The following KCNU1 variants were observed in gnomAD, a reference collection of about 807,000 sequenced individuals.
KCNU1 encodes the protein potassium channel subfamily U member 1.
A neutral mutation model predicts 126.8 loss-of-function variants in KCNU1; 93 were observed. The observed-to-expected ratio is 0.73, with a 90% confidence interval of 0.62 to 0.87. KCNU1 has a LOEUF of 0.87. Ranked by LOEUF, KCNU1 falls within the 40% of genes least tolerant of loss-of-function variation. The probability of loss-of-function intolerance (pLI) is 0.00; values close to 1 mark genes in which losing one functional copy is unlikely to be tolerated. For synonymous variants in KCNU1, 523 were observed against 494.2 expected (o/e 1.06, Z -0.77); for missense variants, 1,330 against 1,367.1 (o/e 0.97, Z 0.43).
chr8:36,929,212 T>C (rs1808623078), intron 24 of KCNU1, among the ~76,000 whole-genome samples: 1 of 151,540 alleles, frequency 6.6e-6, no homozygotes, highest in African/African-American at 2.4e-5. Context: ...CAAAACCATG[T>C]TTCTACTAAA....
chr8:36,810,522 A>G (rs1175557232), intron 7 of KCNU1, among the ~76,000 whole-genome samples: 3 of 152,226 alleles, frequency 2.0e-5, no homozygotes, highest in Non-Finnish European at 4.4e-5. Flanking sequence ...TAGAATATTA[A>G]AAACCTAGAA....
At chr8:36,810,986 G>A (rs1378805274) in intron 7 of KCNU1, among the ~76,000 whole-genome samples, 2 of 152,238 alleles carry the variant, frequency 1.3e-5, no homozygotes, top group Middle Eastern at 6.8e-3. Flanking sequence ...TGGGCCAAAA[G>A]ATATCAGAGA....
Position 36,867,601 on chromosome 8 carries a change from G to A in KCNU1, c.2009+3080G>A, listed in dbSNP as rs185937816. On this transcript the variant is annotated intron_variant, in intron 19 of 26. Coordinates refer to ENST00000399881, the MANE Select transcript of KCNU1 (RefSeq NM_001031836.3). ...ATGCTCCAATCATGTTTGTGCTTTT[G>A]TTTATTCTCTCACACGTCTTCTCTG... 4.6e-5 allele frequency among the ~76,000 whole-genome samples: 7 copies of A among 152,210 alleles called. No individual in the cohort carries two copies. In the East Asian group the frequency reaches 1.2e-3, roughly 25 times the overall value.
chr8:36,870,479 C>T (rs1386398684), intron 19 of KCNU1, among the ~76,000 whole-genome samples: 1 of 152,176 alleles, frequency 6.6e-6, no homozygotes, highest in African/African-American at 2.4e-5. Flanking sequence ...GTGTTCCAAA[C>T]TATTCAGGCA....
chr8:36,819,653 A>G (rs1214160635), intron 10 of KCNU1, among the ~76,000 whole-genome samples: 1 of 151,892 alleles, frequency 6.6e-6, no homozygotes, highest in African/African-American at 2.4e-5. Context: ...ATTTATTCCC[A>G]TCCTTCCCAC....
At chr8:36,846,661 G>C (rs779547247) in intron 18 of KCNU1, among the ~76,000 whole-genome samples, 13 of 152,014 alleles carry the variant, frequency 8.6e-5, no homozygotes, top group Non-Finnish European at 1.9e-4. Context: ...AATTAGCTGG[G>C]CGTGGCAGCG....
At chr8:36,824,359 A>C (rs955525090) in intron 10 of KCNU1, among the ~76,000 whole-genome samples, 1 of 152,244 alleles carries the variant, frequency 6.6e-6, no homozygotes, top group African/African-American at 2.4e-5. Context: ...GAGACTGCTT[A>C]CACGTACATT....
chr8:36,837,758 C>G (rs970346957), intron 14 of KCNU1, among the ~76,000 whole-genome samples: 3 of 152,176 alleles, frequency 2.0e-5, no homozygotes, highest in African/African-American at 7.2e-5. Context: ...ATGAAATGCT[C>G]CAGGCAAGGT....
intron 18 of KCNU1, among the ~76,000 whole-genome samples, chr8:36,851,349 A>T (rs1206927566): frequency 6.7e-6 from 1 of 149,172 alleles, no homozygotes; most frequent in Non-Finnish European, 1.5e-5. Context: ...ACAAGTTCTG[A>T]TGGTTTAAAG....
intron 20 of KCNU1, among the ~76,000 whole-genome samples, chr8:36,908,202 C>A (rs538280513): frequency 2.8e-4 from 43 of 152,116 alleles, no homozygotes; most frequent in Non-Finnish European, 5.7e-4. Flanking sequence ...ACAGGAATAT[C>A]ATTCTTTAAA....
chr8:36,890,539 T>C (rs1473171590), intron 19 of KCNU1, among the ~76,000 whole-genome samples: 1 of 151,852 alleles, frequency 6.6e-6, no homozygotes, highest in Non-Finnish European at 1.5e-5. Context: ...CAAAAAGAGA[T>C]AAAATGAAAT....
intron 2 of KCNU1, among the ~76,000 whole-genome samples, chr8:36,788,175 G>A (rs1169331543): frequency 6.6e-6 from 1 of 151,912 alleles, no homozygotes; most frequent in South Asian, 2.1e-4. Context: ...TAATTTGAAT[G>A]TATTAAATCT....
At chr8:36,787,931 C>T (rs1802772854) in intron 2 of KCNU1, among the ~76,000 whole-genome samples, 1 of 149,102 alleles carries the variant, frequency 6.7e-6, no homozygotes, top group Admixed American at 6.7e-5. Context: ...TCAGTCTTTC[C>T]ACTAGGAAGA....
At position 36,808,736 on chromosome 8, in the gene KCNU1, C is replaced by T. The variant is rs577775228; in HGVS notation, c.675C>T (p.Ser225=). Residue 225 remains serine, a synonymous_variant, in exon 7 of 27, where the codon TCC becomes TCT. Coordinates refer to ENST00000399881, the MANE Select transcript of KCNU1 (RefSeq NM_001031836.3). ...CCTCTAGTAACTCAGTGAAGTTTTC[C>T]AAACTGCTGTCAATAATTCTCAGTA... ...AIKTSNSVKF[S]KLLSIILSTW... is the part of the protein sequence containing the mutation. 4.3e-6 allele frequency: 7 copies of T among 1,610,774 alleles called. No individual in the cohort carries two copies. In the Middle Eastern group the frequency reaches 5.0e-4, roughly 114 times the overall value.
chr8:36,875,750 C>T (rs1334960511), intron 19 of KCNU1, among the ~76,000 whole-genome samples: 1 of 152,058 alleles, frequency 6.6e-6, no homozygotes, highest in Non-Finnish European at 1.5e-5. Flanking sequence ...TATTTTCGTG[C>T]AGATTAGCTA....
chr8:36,821,083 A>C (rs1236001968), intron 10 of KCNU1, among the ~76,000 whole-genome samples: 1 of 152,204 alleles, frequency 6.6e-6, no homozygotes. Context: ...AAAGAGTTGA[A>C]AATGAAAAAA....
At chr8:36,928,669 T>C (rs1434279935) in intron 24 of KCNU1, among the ~76,000 whole-genome samples, 1 of 152,200 alleles carries the variant, frequency 6.6e-6, no homozygotes, top group Non-Finnish European at 1.5e-5. Flanking sequence ...CCAGCAATAT[T>C]TATTTGTTAA....
chr8:36,862,901 CAGTT>C (rs1805780639), intron 18 of KCNU1, among the ~76,000 whole-genome samples: 1 of 152,180 alleles, frequency 6.6e-6, no homozygotes, highest in South Asian at 2.1e-4. Context: ...TAGAGACTGA[CAGTT>C]GGTAACACAG....
chr8:36,908,199 T>C (rs967536753), intron 20 of KCNU1, among the ~76,000 whole-genome samples: 2 of 152,162 alleles, frequency 1.3e-5, no homozygotes, highest in East Asian at 1.9e-4. Context: ...CCCACAGGAA[T>C]ATCATTCTTT....
Sources: allele counts gnomAD v4.1 joint callset (sites outside exome capture counted in the v4.1 genomes callset), GRCh38; gene constraint gnomAD v4.1.1; transcripts MANE v1.5; gene names NCBI Gene and HGNC (gene_info 2026-07-23, HGNC 2026-07-21).